MIPEP: variants seen among roughly 807,000 people sequenced by gnomAD.
MIPEP encodes the protein mitochondrial intermediate peptidase.
Under a neutral mutation model 90.3 loss-of-function variants are expected in MIPEP, and 79 were observed. The observed-to-expected ratio is 0.87, with a 90% CI of 0.73 to 1.05. MIPEP has a LOEUF of 1.05. Ranked by LOEUF, MIPEP falls within the 50% of genes least tolerant of loss-of-function variation. The pLI, the probability that MIPEP is intolerant of heterozygous loss-of-function variation, is 0.00. For synonymous variants in MIPEP, 334 were observed against 315.8 expected, an observed-to-expected ratio of 1.06 and a Z score of -0.61; for missense variants, 940 against 905.6, an observed-to-expected ratio of 1.04 and a Z score of -0.49.
At chr13:23,745,492 C>T (rs189799500) in intron 18 of MIPEP, among the ~76,000 whole-genome samples, 12 of 152,300 alleles carry the variant, frequency 7.9e-5, no homozygotes, top group Admixed American at 7.8e-4. Flanking sequence ...CTAAAATCTG[C>T]TCTAAATCTC....
At chr13:23,733,608 A>G (rs1952228600) in intron 18 of MIPEP, among the ~76,000 whole-genome samples, 1 of 152,222 alleles carries the variant, frequency 6.6e-6, no homozygotes, top group Non-Finnish European at 1.5e-5. Flanking sequence ...TCATCCCACC[A>G]GAAAGCACAT....
intron 1 of MIPEP, chr13:23,888,706 T>G: frequency 2.0e-6 from 2 of 1,001,144 alleles, no homozygotes; most frequent in Non-Finnish European, 2.4e-6. Flanking sequence ...AGCCGTGTCC[T>G]TGCAAAAAGA....
At chr13:23,813,700 A>G (rs908175552) in intron 14 of MIPEP, among the ~76,000 whole-genome samples, 20 of 152,116 alleles carry the variant, frequency 1.3e-4, no homozygotes, top group Admixed American at 1.2e-3. Flanking sequence ...GGGCTCAAAG[A>G]TCCTCCCACC....
At chr13:23,835,405 A>G (rs562171203) in intron 14 of MIPEP, among the ~76,000 whole-genome samples, 28 of 151,406 alleles carry the variant, frequency 1.8e-4, no homozygotes, top group African/African-American at 6.9e-4. Context: ...CATAATGAGA[A>G]GAAGAGTCAC....
chr13:23,862,456 T>A (rs1870350674), intron 8 of MIPEP, 94 bp from the exon 9 acceptor site: 1 of 707,350 alleles, frequency 1.4e-6, no homozygotes, highest in African/African-American at 1.8e-5. Flanking sequence ...CCAATATTCA[T>A]AAGATTAGAT....
chr13:23,754,264 T>C (rs1009863466), intron 18 of MIPEP, among the ~76,000 whole-genome samples: 1 of 152,148 alleles, frequency 6.6e-6, no homozygotes, highest in African/African-American at 2.4e-5. Flanking sequence ...GAGAAGCCAC[T>C]ACTATGGGTC....
chr13:23,803,554 T>C (rs1430126104), intron 16 of MIPEP, among the ~76,000 whole-genome samples: 4 of 152,190 alleles, frequency 2.6e-5, no homozygotes, highest in Non-Finnish European at 5.9e-5. Flanking sequence ...CTTTAAAAAA[T>C]TGTTCCTTCT....
intron 18 of MIPEP, among the ~76,000 whole-genome samples, chr13:23,753,467 G>A (rs1952461911): frequency 1.3e-5 from 2 of 152,120 alleles, no homozygotes; most frequent in South Asian, 2.1e-4. Context: ...TGGTGTGTTA[G>A]GCTTTTTAAG....
At chr13:23,832,114 C>A (rs777590707) in intron 14 of MIPEP, among the ~76,000 whole-genome samples, 13 of 152,166 alleles carry the variant, frequency 8.5e-5, no homozygotes, top group Non-Finnish European at 1.3e-4. Context: ...GTCATGAGGG[C>A]TCTGCCCTCA....
chr13:23,765,535 T>C (rs1057117353), intron 16 of MIPEP, among the ~76,000 whole-genome samples: 1 of 152,220 alleles, frequency 6.6e-6, no homozygotes, highest in African/African-American at 2.4e-5. Context: ...ACCTGGGGCC[T>C]TGAAACATAT....
chr13:23,778,178 T>C (rs2137356666), intron 16 of MIPEP, among the ~76,000 whole-genome samples: 1 of 152,248 alleles, frequency 6.6e-6, no homozygotes, highest in East Asian at 1.9e-4. Context: ...TCTGGTTCAC[T>C]TTTCACTCTC....
intron 17 of MIPEP, 72 bp downstream of exon 17, chr13:23,760,024 G>A (rs1235921834): frequency 2.7e-5 from 43 of 1,594,474 alleles, no homozygotes; most frequent in South Asian, 8.9e-5. Flanking sequence ...TCTCGAGCCC[G>A]ACTTCCAGAT....
At chr13:23,811,602 C>T (rs1485123028) in intron 14 of MIPEP, among the ~76,000 whole-genome samples, 1 of 152,164 alleles carries the variant, frequency 6.6e-6, no homozygotes, top group Non-Finnish European at 1.5e-5. Flanking sequence ...TTGCTCACTA[C>T]CAGAGTCACA....
At chr13:23,831,616 C>G (rs963555173) in intron 14 of MIPEP, among the ~76,000 whole-genome samples, 5 of 152,086 alleles carry the variant, frequency 3.3e-5, no homozygotes, top group Non-Finnish European at 5.9e-5. Flanking sequence ...GAGCAAAATA[C>G]AAGAGGCAAC....
intron 16 of MIPEP, among the ~76,000 whole-genome samples, chr13:23,797,491 C>G (rs999487342): frequency 6.6e-6 from 1 of 152,186 alleles, no homozygotes; most frequent in Non-Finnish European, 1.5e-5. Flanking sequence ...TTTATTAAAA[C>G]AGTGGGTGTC....
intron 18 of MIPEP, among the ~76,000 whole-genome samples, chr13:23,736,443 G>A (rs1166594405): frequency 6.6e-6 from 1 of 152,182 alleles, no homozygotes; most frequent in Non-Finnish European, 1.5e-5. Flanking sequence ...AGACAAATGG[G>A]CTAAGAAAAG....
intron 16 of MIPEP, among the ~76,000 whole-genome samples, chr13:23,776,553 C>T (rs1015470165): frequency 6.6e-6 from 1 of 152,184 alleles, no homozygotes; most frequent in Non-Finnish European, 1.5e-5. Context: ...ATGTATATAT[C>T]ATCCATCCTG....
At position 23,837,749 on chromosome 13, in the gene MIPEP, T is replaced by C. The variant is rs1869121705; in HGVS notation, c.1346A>G (p.His449Arg). ...TAGTCTGCCTCCACGGATAGTGAAA[T>C]GGCAATCCTTTAAGAATCAGAAAAC... is the stretch of plus-strand genomic sequence containing the variant. ...QRADKPHQDC[H>R]FTIRGGRLKE... is the part of the protein sequence containing the mutation. Residue 449 changes from histidine to arginine, a missense_variant, in exon 13 of 19, where the codon CAT (histidine) becomes CGT (arginine). Transcript: ENST00000382172. 2.5e-6 allele frequency: 4 copies of C among 1,608,990 alleles called. No homozygotes were observed. The highest frequency in any genetic ancestry group is 2.2e-5 in the South Asian group (2 of 90,972).
At chr13:23,884,916 C>A (rs1871411675) in intron 2 of MIPEP, among the ~76,000 whole-genome samples, 1 of 152,150 alleles carries the variant, frequency 6.6e-6, no homozygotes, top group Non-Finnish European at 1.5e-5. Flanking sequence ...CTTTCCTTGA[C>A]AAGAGTAACC....
Sources: gnomAD v4.1 joint callset for allele counts (sites outside exome capture counted in the v4.1 genomes callset) on GRCh38, gnomAD v4.1.1 for gene constraint, MANE v1.5 for transcripts, NCBI Gene and HGNC (gene_info 2026-07-23, HGNC 2026-07-21) for gene names.